The following CDH13 variants were observed in gnomAD, a reference collection of about 807,000 sequenced individuals.
The protein encoded by CDH13 is cadherin-13.
In CDH13, 24 loss-of-function variants were observed where a neutral mutation model predicts 63.8. That is an observed-to-expected ratio of 0.38 (90% CI 0.27 to 0.53). CDH13 has a LOEUF of 0.53. CDH13 is among the 20% of genes least tolerant of loss of function. The pLI, the probability that CDH13 is intolerant of heterozygous loss-of-function variation, is 0.85. For synonymous variants in CDH13, 503 were observed against 355.3 expected (o/e 1.42, Z -4.67); for missense variants, 1,049 against 903.1 (o/e 1.16, Z -2.07).
At chr16:82,755,570 T>G (rs2034582686) in intron 1 of CDH13, among the ~76,000 whole-genome samples, 1 of 152,266 alleles carries the variant, frequency 6.6e-6, no homozygotes, top group African/African-American at 2.4e-5. Context: ...TTCTCTCATT[T>G]CCTTATTCCT....
chr16:83,263,300 C>G (rs1907203373), intron 5 of CDH13, among the ~76,000 whole-genome samples: 1 of 152,210 alleles, frequency 6.6e-6, no homozygotes, highest in African/African-American at 2.4e-5. Flanking sequence ...CTGCTTGCTC[C>G]TCAAACATTC....
chr16:83,355,796 T>C (rs554976245), intron 6 of CDH13, among the ~76,000 whole-genome samples: 31 of 152,294 alleles, frequency 2.0e-4, no homozygotes, highest in African/African-American at 7.2e-4. Context: ...TTTCAACTGC[T>C]ACACAGGGGA....
chr16:83,357,170 C>A (rs9935742), intron 6 of CDH13, among the ~76,000 whole-genome samples: 87,093 of 151,934 alleles, frequency 0.57, 26,857 homozygotes, highest in African/African-American at 0.81. Context: ...TGGCCCATCA[C>A]ATCCAGACTC....
intron 3 of CDH13, among the ~76,000 whole-genome samples, chr16:83,103,240 GA>G (rs2034590234): frequency 1.7e-5 from 2 of 116,372 alleles, no homozygotes; most frequent in African/African-American, 6.7e-5. Flanking sequence ...GGCGTTAACT[GA>G]ACTTTTTTTT....
rs866137448 is a variant in CDH13, at chr16:83,725,044, G to C, written c.1539-23064G>C. Among the ~76,000 whole-genome samples the C allele has an allele frequency of 2.6e-5, 4 of 152,312 alleles. No homozygotes were observed. In the South Asian group the frequency reaches 6.2e-4, roughly 24 times the overall value. On this transcript the variant is annotated intron_variant, in intron 10 of 13. Coordinates refer to ENST00000567109, the MANE Select transcript of CDH13 (RefSeq NM_001257.5). ...GTCATCCAGTTTCACTCAGTCTAGA[G>C]AAAGAAAGAGATGAATAAACAGACC...
intron 3 of CDH13, among the ~76,000 whole-genome samples, chr16:83,087,408 G>A (rs993931016): frequency 6.1e-4 from 92 of 152,010 alleles, no homozygotes; most frequent in African/African-American, 8.7e-4. Context: ...GGTGGCTCAC[G>A]CCTGTAATCC....
intron 9 of CDH13, among the ~76,000 whole-genome samples, chr16:83,672,650 C>T (rs1914614387): frequency 1.3e-5 from 2 of 151,774 alleles, no homozygotes; most frequent in Admixed American, 6.6e-5. Flanking sequence ...GTCTTGAACT[C>T]CTGACTTCAA....
Position 83,051,357 on chromosome 16 carries a change from A to G in CDH13, c.366+19139A>G, listed in dbSNP as rs560003220. On this transcript the variant is annotated intron_variant, in intron 3 of 13. Transcript: ENST00000567109. The stretch of plus-strand genomic sequence containing the variant: ...CATAAGTGGGTTGCAATAGGTTTAC[A>G]GGAATGAGGATCAGATTAAGAGCTG... Among the ~76,000 whole-genome samples the G allele has an allele frequency of 7.2e-5, 11 of 152,374 alleles. No homozygotes were observed. The South Asian group carries it at 2.1e-3, about 29-fold the overall frequency.
intron 5 of CDH13, among the ~76,000 whole-genome samples, chr16:83,304,648 T>A (rs534682147): frequency 6.6e-6 from 1 of 152,332 alleles, no homozygotes; most frequent in Non-Finnish European, 1.5e-5. Context: ...TGGAACAGGT[T>A]CTTTACTGAA....
chr16:83,288,437 G>A (rs2089379940), intron 5 of CDH13, among the ~76,000 whole-genome samples: 1 of 152,212 alleles, frequency 6.6e-6, no homozygotes, highest in East Asian at 1.9e-4. Context: ...ATCATGTTTA[G>A]TAACAAGGAG....
At chr16:83,113,827 C>T (rs940430964) in intron 3 of CDH13, among the ~76,000 whole-genome samples, 1 of 152,132 alleles carries the variant, frequency 6.6e-6, no homozygotes, top group Non-Finnish European at 1.5e-5. Context: ...GAAGCAGAGC[C>T]AGGAGGACAG....
chr16:82,685,206 A>G (rs1914939515), intron 1 of CDH13, among the ~76,000 whole-genome samples: 1 of 152,228 alleles, frequency 6.6e-6, no homozygotes, highest in South Asian at 2.1e-4. Flanking sequence ...AGGTGGCTTA[A>G]AAACAATGAA....
At chr16:83,225,226 T>C (rs749735065) in intron 5 of CDH13, among the ~76,000 whole-genome samples, 1 of 152,206 alleles carries the variant, frequency 6.6e-6, no homozygotes, top group Non-Finnish European at 1.5e-5. Context: ...GCAGCTGACC[T>C]GATCACTAAT....
At chr16:83,780,244 A>C (rs766668453) in intron 12 of CDH13, 43 bp downstream of exon 12, 1 of 1,330,490 alleles carries the variant, frequency 7.5e-7, no homozygotes, top group South Asian at 1.3e-5. Flanking sequence ...TCCAGCTTTC[A>C]GTTTATTTTC....
At chr16:83,358,345 A>G (rs1381725811) in intron 6 of CDH13, among the ~76,000 whole-genome samples, 1 of 152,198 alleles carries the variant, frequency 6.6e-6, no homozygotes, top group Non-Finnish European at 1.5e-5. Flanking sequence ...TATGATGGCT[A>G]GAACTCAAGC....
intron 1 of CDH13, among the ~76,000 whole-genome samples, chr16:82,788,351 T>G (rs1410716312): frequency 2.6e-5 from 4 of 152,202 alleles, no homozygotes; most frequent in African/African-American, 9.7e-5. Flanking sequence ...GCCCAGGAGA[T>G]GGCTGAGTCC....
At chr16:83,335,753 C>T (rs1254282102) in intron 5 of CDH13, among the ~76,000 whole-genome samples, 1 of 152,128 alleles carries the variant, frequency 6.6e-6, no homozygotes, top group African/African-American at 2.4e-5. Context: ...TTGTTCCGAT[C>T]TAATTACCGG....
At chr16:83,067,359 C>G (rs569677796) in intron 3 of CDH13, among the ~76,000 whole-genome samples, 1 of 152,264 alleles carries the variant, frequency 6.6e-6, no homozygotes, top group African/African-American at 2.4e-5. Context: ...TAGTAAGTCA[C>G]TATATCCCTT....
At chr16:82,829,426 A>AG (rs1171147716) in intron 1 of CDH13, 8 of 152,042 alleles carry the variant, frequency 5.3e-5, no homozygotes, top group African/African-American at 1.7e-4. Flanking sequence ...TCCAGGCTGG[A>AG]GGGGCCAGTA....
Sources: gnomAD v4.1 joint callset for allele counts (sites outside exome capture counted in the v4.1 genomes callset) on GRCh38, gnomAD v4.1.1 for gene constraint, MANE v1.5 for transcripts, NCBI Gene and HGNC (gene_info 2026-07-23, HGNC 2026-07-21) for gene names.